The following GRAMD1B variants were observed in gnomAD, a reference collection of about 807,000 sequenced individuals.
GRAMD1B encodes GRAM domain containing 1B, also known as protein Aster-B.
GRAMD1B carries 37 observed loss-of-function variants against 99.7 expected under a neutral mutation model. That is an observed-to-expected ratio of 0.37 (90% CI 0.29 to 0.49). The LOEUF is 0.49. Among genes scored for constraint, GRAMD1B ranks in the 20% least tolerant of loss-of-function variants. GRAMD1B has a pLI of 0.98. For synonymous variants in GRAMD1B, 427 were observed against 387.6 expected, an observed-to-expected ratio of 1.10 and a Z score of -1.19; for missense variants, 888 against 1,009.2, an observed-to-expected ratio of 0.88 and a Z score of 1.63.
chr11:123,462,335 C>T lies in GRAMD1B; in HGVS notation c.375-18481C>T, dbSNP rs1249559775. ...CTCAGTGGCAGGTGCCATCCCCTGA[C>T]AAACTGCCTCAAACTGGGCAGAGCA... On this transcript the variant is annotated intron_variant, in intron 1 of 19. Coordinates refer to ENST00000635736, the MANE Select transcript of GRAMD1B (RefSeq NM_001387025.1). Among the ~76,000 whole-genome samples, 3 of 144,888 alleles carry T rather than the reference C, an allele frequency of 2.1e-5. No homozygotes were observed. In the East Asian group the frequency reaches 6.9e-4, roughly 34 times the overall value.
chr11:123,517,391 A>G (rs1043728537), intron 2 of GRAMD1B, among the ~76,000 whole-genome samples: 6 of 152,354 alleles, frequency 3.9e-5, no homozygotes, highest in African/African-American at 1.4e-4. Context: ...TGTAGTATAT[A>G]GTGGTGGTTC....
intron 1 of GRAMD1B, among the ~76,000 whole-genome samples, chr11:123,408,342 T>C (rs1947926380): frequency 6.6e-6 from 1 of 152,250 alleles, no homozygotes; most frequent in Non-Finnish European, 1.5e-5. Flanking sequence ...CCCTTCGTTA[T>C]GTTTTTACAG....
At chr11:123,393,242 A>G (rs1159916421) in intron 1 of GRAMD1B, among the ~76,000 whole-genome samples, 1 of 152,248 alleles carries the variant, frequency 6.6e-6, no homozygotes, top group Non-Finnish European at 1.5e-5. Context: ...GGGAGGGAGA[A>G]CCAAATGCCA....
chr11:123,451,543 C>T (rs547553125), intron 1 of GRAMD1B, among the ~76,000 whole-genome samples: 1 of 152,296 alleles, frequency 6.6e-6, no homozygotes, highest in South Asian at 2.1e-4. Context: ...TTCAAATCCA[C>T]AGGAAATGAA....
intron 1 of GRAMD1B, among the ~76,000 whole-genome samples, chr11:123,404,348 C>T (rs964082121): frequency 4.6e-5 from 7 of 152,238 alleles, no homozygotes; most frequent in Admixed American, 3.3e-4. Context: ...AGAGGTACCT[C>T]TCTTCAGCAA....
Position 123,449,134 on chromosome 11 carries a change from C to T in GRAMD1B, c.374+17968C>T, listed in dbSNP as rs117290601. Among the ~76,000 whole-genome samples, 530 of 152,300 alleles carry T rather than the reference C, an allele frequency of 3.5e-3. 3 individuals carry two copies. The highest frequency in any genetic ancestry group is 5.8e-3 in the Admixed American group (89 of 15,296). On this transcript the variant is annotated intron_variant, in intron 1 of 19. Transcript: ENST00000635736. Reference sequence around the variant, plus strand: ...TTTTCGTTTGTTTAGTTAGCCTTTCCTCTAGGGAATGGTTCTTGACTGAGG... The same window carrying T: ...TTTTCGTTTGTTTAGTTAGCCTTTCTTCTAGGGAATGGTTCTTGACTGAGG...
chr11:123,426,340 G>A (rs187632414), upstream of GRAMD1B, among the ~76,000 whole-genome samples: 5 of 152,062 alleles, frequency 3.3e-5, no homozygotes, highest in Admixed American at 6.5e-5. Context: ...CCTTACACTC[G>A]GTAAATGTTT....
intron 1 of GRAMD1B, among the ~76,000 whole-genome samples, chr11:123,388,228 A>G: frequency 6.6e-6 from 1 of 151,988 alleles, no homozygotes; most frequent in Admixed American, 6.6e-5. Context: ...CCTTAGTGCT[A>G]TGATTTAAAT....
chr11:123,614,727 C>A lies in GRAMD1B; in HGVS notation c.2228-18C>A. The A allele has an allele frequency of 6.4e-7, 1 of 1,553,382 alleles. No homozygotes were observed. Among genetic ancestry groups the A allele is most frequent in the Non-Finnish European group, 8.9e-7 (1 of 1,125,288 alleles). ...TTGTGGGTCACCATGGTGATGGTCTCTTTAATTCTCCCCACAGGTTCCACA... is the reference window on the plus strand; with the variant it reads ...TTGTGGGTCACCATGGTGATGGTCTATTTAATTCTCCCCACAGGTTCCACA... On this transcript the variant is annotated intron_variant, in intron 16 of 19. Transcript: ENST00000635736.
At chr11:123,478,121 TCCTC>T (rs1387083503) in intron 1 of GRAMD1B, among the ~76,000 whole-genome samples, 3 of 152,180 alleles carry the variant, frequency 2.0e-5, no homozygotes, top group Admixed American at 6.5e-5. Context: ...TGTCCTTCCT[TCCTC>T]CCACCACAGT....
At chr11:123,470,067 C>T (rs182564156) in intron 1 of GRAMD1B, among the ~76,000 whole-genome samples, 1 of 152,196 alleles carries the variant, frequency 6.6e-6, no homozygotes, top group East Asian at 1.9e-4. Context: ...GATAAGGACA[C>T]CCTAGATGAG....
At chr11:123,557,468 A>G (rs1946284329) in intron 2 of GRAMD1B, among the ~76,000 whole-genome samples, 1 of 152,238 alleles carries the variant, frequency 6.6e-6, no homozygotes. Context: ...AGGCTTCTGA[A>G]TATCTGTCTC....
At position 123,510,337 on chromosome 11, in the gene GRAMD1B, T is replaced by C. The variant is rs1940867206; in HGVS notation, c.452+29444T>C. On this transcript the variant is annotated intron_variant, in intron 2 of 19. Coordinates refer to ENST00000635736, the MANE Select transcript of GRAMD1B (RefSeq NM_001387025.1). The surrounding 1 kb of genome is among the most constrained non-coding windows in gnomAD (Gnocchi z 4.3). ...ATGGGAGGGCAGGCCTCCGTCTTTG[T>C]GCCCTCTCCCTCTCAACAGGGGGAG... 6.6e-6 allele frequency among the ~76,000 whole-genome samples: 1 copy of C among 152,070 alleles called. No individual in the cohort carries two copies. The highest frequency in any genetic ancestry group is 1.5e-5 in the Non-Finnish European group (1 of 68,008).
At chr11:123,538,543 T>C (rs1054397148) in intron 2 of GRAMD1B, among the ~76,000 whole-genome samples, 3 of 152,124 alleles carry the variant, frequency 2.0e-5, no homozygotes, top group Admixed American at 6.5e-5. Context: ...AGTCCCTTAC[T>C]CACCCTCACC....
At position 123,619,103 on chromosome 11, in the gene GRAMD1B, A is replaced by G. The variant is rs1346396571; in HGVS notation, c.2427-4A>G. The G allele has an allele frequency of 4.0e-6, 6 of 1,515,302 alleles. No homozygotes were observed. Among genetic ancestry groups the G allele is most frequent in the Non-Finnish European group, 4.5e-6 (5 of 1,112,782 alleles). The allele number at this position is 1,515,302 out of a possible 1,614,324, so 93.9% of individuals were successfully genotyped here. A position where few individuals can be genotyped will look rare whatever the true frequency, so the allele number is the denominator to read the frequency against. On this transcript the variant is annotated splice_region_variant and splice_polypyrimidine_tract_variant and intron_variant, in intron 18 of 19. Transcript: ENST00000635736. ...GCTGGGGTACCCCTTCTTCTACCCCACAGGTTACCCCAGTCTCAGACAGAA... is the reference window on the plus strand; with the variant it reads ...GCTGGGGTACCCCTTCTTCTACCCCGCAGGTTACCCCAGTCTCAGACAGAA...
rs1175202539 is a variant in GRAMD1B, at chr11:123,415,095, C to CTTTTTTTTTTT, written c.-176+56312_-176+56322dup. Among the ~76,000 whole-genome samples, 136 of 75,840 alleles carry CTTTTTTTTTTT rather than the reference C, an allele frequency of 1.8e-3. 1 individual carries two copies. Among genetic ancestry groups the CTTTTTTTTTTT allele is most frequent in the Non-Finnish European group, 2.1e-3 (88 of 41,244 alleles). 49.8% of individuals were successfully genotyped at this position (75,840 alleles called of 152,430 possible). A position where few individuals can be genotyped will look rare whatever the true frequency, so the allele number is the denominator to read the frequency against. On this transcript the variant is annotated intron_variant, in intron 1 of 20. Transcript: ENST00000638157. ...TTTCTTTTTTCTTTTCTTTTTCTTT[C>CTTTTTTTTTTT]TTTTTTTTTTTTTTTTTTTTTTTTT...
chr11:123,534,688 C>T (rs1338883114), intron 2 of GRAMD1B, among the ~76,000 whole-genome samples: 1 of 152,000 alleles, frequency 6.6e-6, no homozygotes, highest in Non-Finnish European at 1.5e-5. Flanking sequence ...CATGGTGAAA[C>T]TCTGTCTCTA....
chr11:123,607,642 G>A (rs372215723), intron 11 of GRAMD1B, among the ~76,000 whole-genome samples: 4 of 152,186 alleles, frequency 2.6e-5, no homozygotes, highest in African/African-American at 4.8e-5. Flanking sequence ...GTGAATACCC[G>A]CTGCGCTGCA....
At chr11:123,548,325 T>TATACACACAC (rs1555067740) in intron 2 of GRAMD1B, among the ~76,000 whole-genome samples, 2 of 86,834 alleles carry the variant, frequency 2.3e-5, no homozygotes, top group Non-Finnish European at 4.2e-5. Context: ...TATATATATA[T>TATACACACAC]ACACACACAC....
Sources: gnomAD v4.1 joint callset for allele counts (sites outside exome capture counted in the v4.1 genomes callset) on GRCh38, gnomAD v4.1.1 for gene constraint, Gnocchi (gnomAD v3.1) non-coding constraint, MANE v1.5 for transcripts, NCBI Gene and HGNC (gene_info 2026-07-23, HGNC 2026-07-21) for gene names.